The following FARS2 variants were observed in gnomAD, a reference collection of about 807,000 sequenced individuals.
FARS2 encodes phenylalanyl-tRNA synthetase 2, mitochondrial.
A neutral mutation model predicts 46.4 loss-of-function variants in FARS2; 40 were observed. The observed-to-expected ratio is 0.86, with a 90% confidence interval of 0.67 to 1.12. The LOEUF (loss-of-function observed/expected upper bound fraction) is 1.12. Among genes scored for constraint, FARS2 ranks in the 50% most tolerant of loss-of-function variants. FARS2 has a pLI of 0.00. For synonymous variants in FARS2, 234 were observed against 214.9 expected (o/e 1.09, Z -0.78); for missense variants, 513 against 567.9 (o/e 0.90, Z 0.98).
chr6:5,527,511 A>C (rs1769543769), intron 4 of FARS2, among the ~76,000 whole-genome samples: 1 of 152,242 alleles, frequency 6.6e-6, no homozygotes, highest in Non-Finnish European at 1.5e-5. Flanking sequence ...CCCAACACTC[A>C]CAACTCTGTA....
intron 1 of FARS2, among the ~76,000 whole-genome samples, chr6:5,288,421 A>G (rs937212639): frequency 3.3e-5 from 5 of 152,150 alleles, no homozygotes; most frequent in Non-Finnish European, 7.4e-5. Flanking sequence ...CTATCAGAAC[A>G]CTTGGGATCA....
intron 4 of FARS2, among the ~76,000 whole-genome samples, chr6:5,486,682 C>T (rs1453272148): frequency 6.6e-6 from 1 of 152,106 alleles, no homozygotes; most frequent in Non-Finnish European, 1.5e-5. Flanking sequence ...AAATGTGATG[C>T]CAGGAGGTCA....
At chr6:5,500,603 T>C (rs927133127) in intron 4 of FARS2, among the ~76,000 whole-genome samples, 15 of 152,152 alleles carry the variant, frequency 9.9e-5, no homozygotes, top group Non-Finnish European at 1.5e-5. Flanking sequence ...TGGTACCAGG[T>C]GCTGGCTAAG....
intron 4 of FARS2, among the ~76,000 whole-genome samples, chr6:5,473,545 C>CAAAAAAAAAAAA (rs372507372): frequency 1.4e-5 from 2 of 141,772 alleles, no homozygotes; most frequent in African/African-American, 2.6e-5. Flanking sequence ...AAAAAAAAAA[C>CAAAAAAAAAAAA]AAAAAAAAAA....
chr6:5,308,288 A>G (rs1005446171), intron 1 of FARS2, among the ~76,000 whole-genome samples: 9 of 152,166 alleles, frequency 5.9e-5, no homozygotes, highest in African/African-American at 2.2e-4. Flanking sequence ...AGACATTAGT[A>G]GGTCGGGGCA....
intron 3 of FARS2, among the ~76,000 whole-genome samples, chr6:5,430,095 T>A (rs536924590): frequency 3.3e-5 from 5 of 152,148 alleles, no homozygotes; most frequent in African/African-American, 1.2e-4. Flanking sequence ...TATTTTAAAT[T>A]CACAAGAGGG....
intron 4 of FARS2, among the ~76,000 whole-genome samples, chr6:5,432,527 A>AT (rs70975907): frequency 0.039 from 1,921 of 49,370 alleles, 80 homozygotes; most frequent in African/African-American, 0.11. Context: ...ATATATATAT[A>AT]TTTTTTTTTT....
Position 5,508,099 on chromosome 6 carries a change from G to A in FARS2, c.905-37081G>A, listed in dbSNP as rs143839193. Among the ~76,000 whole-genome samples the A allele has an allele frequency of 8.9e-4, 136 of 152,302 alleles. 1 individual carries two copies. Among genetic ancestry groups the A allele is most frequent in the African/African-American group, 3.1e-3 (130 of 41,552 alleles). Reference sequence around the variant, plus strand: ...GTTCCTCTACTTATTTTCTAGCACTGCAATATATATGCATATTCTAATGGG... The same window carrying A: ...GTTCCTCTACTTATTTTCTAGCACTACAATATATATGCATATTCTAATGGG... On this transcript the variant is annotated intron_variant, in intron 4 of 6. Coordinates refer to ENST00000274680, the MANE Select transcript of FARS2 (RefSeq NM_006567.5).
At chr6:5,372,115 T>G (rs985792463) in intron 2 of FARS2, among the ~76,000 whole-genome samples, 2 of 152,138 alleles carry the variant, frequency 1.3e-5, no homozygotes, top group African/African-American at 4.8e-5. Flanking sequence ...ATTAAGAATT[T>G]TTATGTATTC....
intron 6 of FARS2, among the ~76,000 whole-genome samples, chr6:5,682,499 C>T (rs943104945): frequency 1.6e-4 from 24 of 152,138 alleles, no homozygotes; most frequent in South Asian, 2.1e-4. Flanking sequence ...TGGCTCTATC[C>T]GAAGGGAACA....
intron 1 of FARS2, among the ~76,000 whole-genome samples, chr6:5,306,242 A>G (rs913714993): frequency 1.3e-5 from 2 of 152,122 alleles, no homozygotes; most frequent in Non-Finnish European, 2.9e-5. Flanking sequence ...TGATGAGCAC[A>G]TTTGGTTGTG....
chr6:5,725,022 G>T (rs568090253), intron 6 of FARS2, among the ~76,000 whole-genome samples: 1 of 152,212 alleles, frequency 6.6e-6, no homozygotes, highest in Non-Finnish European at 1.5e-5. Flanking sequence ...GAAGTTTCTC[G>T]CTATTACCGT....
chr6:5,689,449 G>C (rs1392545427), intron 6 of FARS2, among the ~76,000 whole-genome samples: 1 of 151,998 alleles, frequency 6.6e-6, no homozygotes, highest in Non-Finnish European at 1.5e-5. Context: ...CCTTCATTTC[G>C]TTATGTCCCC....
intron 4 of FARS2, among the ~76,000 whole-genome samples, chr6:5,532,903 C>T (rs1769952565): frequency 6.6e-6 from 1 of 151,976 alleles, no homozygotes; most frequent in Non-Finnish European, 1.5e-5. Flanking sequence ...AGAAGTCAAC[C>T]CTTTTGACAA....
chr6:5,422,814 G>GTTTTCATATTTTATTA lies in FARS2; in HGVS notation c.773-8227_773-8226insTTTTCATATTTTATTA, dbSNP rs1762630210. ...ATTTTTTCATATTTTATTAAAAAGT[G>GTTTTCATATTTTATTA]AGATGTTTCAGATTATGAGCTGAAT... On this transcript the variant is annotated intron_variant, in intron 3 of 6. Transcript: ENST00000274680. Among the ~76,000 whole-genome samples, 10 of 152,258 alleles carry GTTTTCATATTTTATTA rather than the reference G, an allele frequency of 6.6e-5. 1 individual carries two copies. In the South Asian group the frequency reaches 1.9e-3, roughly 28 times the overall value.
rs112474888 is a variant in FARS2 at position 5,603,064 on chromosome 6, G to A, written c.1066-10105G>A. ...TCAGGGCCAAGGCCTGACCGATTTCGGCTGGTAAAGATACAAGGGGCCACT... is the reference window on the plus strand; with the variant it reads ...TCAGGGCCAAGGCCTGACCGATTTCAGCTGGTAAAGATACAAGGGGCCACT... On this transcript the variant is annotated intron_variant, in intron 5 of 6. Transcript: ENST00000274680. 2.5e-3 allele frequency among the ~76,000 whole-genome samples: 378 copies of A among 152,156 alleles called. 2 individuals carry two copies. The highest frequency in any genetic ancestry group is 8.8e-3 in the African/African-American group (366 of 41,522).
intron 5 of FARS2, among the ~76,000 whole-genome samples, chr6:5,576,229 G>A (rs1772953674): frequency 6.6e-6 from 1 of 152,146 alleles, no homozygotes; most frequent in Non-Finnish European, 1.5e-5. Flanking sequence ...CTGTGAGGGT[G>A]TTGCCAAAGG....
intron 2 of FARS2, among the ~76,000 whole-genome samples, chr6:5,381,201 G>A (rs925926757): frequency 2.0e-5 from 3 of 151,726 alleles, no homozygotes; most frequent in African/African-American, 7.3e-5. Context: ...TAAAAATCCT[G>A]TTAGCCAGGA....
intron 1 of FARS2, among the ~76,000 whole-genome samples, chr6:5,270,327 A>G (rs1168168951): frequency 6.6e-6 from 1 of 152,046 alleles, no homozygotes; most frequent in Non-Finnish European, 1.5e-5. Context: ...TCCCACTTAC[A>G]CCCTTGGCTT....
Sources: gnomAD v4.1 joint callset for allele counts (sites outside exome capture counted in the v4.1 genomes callset) on GRCh38, gnomAD v4.1.1 for gene constraint, MANE v1.5 for transcripts, NCBI Gene and HGNC (gene_info 2026-07-23, HGNC 2026-07-21) for gene names.